Variants in PER1 observed in about 807,000 individuals in gnomAD.
PER1 encodes period circadian protein homolog 1.
Under a neutral mutation model 125.9 loss-of-function variants are expected in PER1, and 87 were observed. That is an observed-to-expected ratio of 0.69 (90% CI 0.58 to 0.83). The LOEUF is 0.83. PER1 is among the 40% of genes least tolerant of loss of function. PER1 has a pLI of 0.00. For missense variants in PER1, 1,775 were observed against 1,722.8 expected, an observed-to-expected ratio of 1.03 and a Z score of -0.54; for synonymous variants, 801 against 714.7, an observed-to-expected ratio of 1.12 and a Z score of -1.93.
chr17:8,145,807 G>T (rs985254411), intron 17 of PER1, 151 bp downstream of exon 17: 2 of 806,534 alleles, frequency 2.5e-6, no homozygotes, highest in East Asian at 5.4e-5. Context: ...CTGGCAGGGA[G>T]GGGAGAGCAA....
chr17:8,149,433 T>C (rs760979723), intron 6 of PER1, 29 bp downstream of exon 6: 9 of 1,609,414 alleles, frequency 5.6e-6, no homozygotes, highest in South Asian at 5.5e-5. Context: ...GGACTGCTCA[T>C]GCCTCCCCAC....
At chr17:8,149,234 G>C (rs201889986) in intron 7 of PER1, 25 bp downstream of exon 7, 1 of 1,599,334 alleles carries the variant, frequency 6.3e-7, no homozygotes, top group Non-Finnish European at 8.6e-7. Flanking sequence ...GGAGGCAGAG[G>C]TCTTCTCCAG....
At chr17:8,144,635 G>A (rs779052447) in intron 18 of PER1, 116 bp downstream of exon 18, 3 of 1,390,704 alleles carry the variant, frequency 2.2e-6, no homozygotes, top group East Asian at 2.5e-5. Context: ...GCCTAGTGGT[G>A]GAAGCAACAC....
At position 8,142,844 on chromosome 17, in the gene PER1, G is replaced by T. The variant is rs200757350; in HGVS notation, c.3073-9C>A. 1.3e-6 allele frequency: 2 copies of T among 1,583,162 alleles called. No individual in the cohort carries two copies. The highest frequency in any genetic ancestry group is 2.2e-5 in the South Asian group (2 of 88,942). On this transcript the variant is annotated splice_polypyrimidine_tract_variant and intron_variant, in intron 19 of 22. Transcript: ENST00000317276. ...GACTCAGTGACCTCCGCCTGGAGGA[G>T]GGGAGGGGGGCAAGGAGGGATGGAG...
rs372100058 is a variant in PER1 at position 8,143,488 on chromosome 17, G to A, written c.2850C>T (p.Ala950=). Residue 950 remains alanine, a synonymous_variant, in exon 19 of 23, where the codon GCC becomes GCT. Transcript: ENST00000317276. The part of the protein sequence containing the change: ...QTPAEGPPTP[A]SHSPSPSLPA... ...GCAAGGATGGAGAAGGGGAGTGCGA[G>A]GCAGGAGTGGGAGGCCCTTCAGCAG... 6.9e-6 allele frequency: 11 copies of A among 1,587,520 alleles called. No individual in the cohort carries two copies. Among genetic ancestry groups the A allele is most frequent in the Non-Finnish European group, 9.4e-6 (11 of 1,165,026 alleles).
Position 8,147,881 on chromosome 17 carries a change from G to A in PER1, c.1235-54C>T, listed in dbSNP as rs921632964. Reference sequence around the variant, plus strand: ...CAAAGGGAGGGAGAGCTGAGTAAGAGGGAGGCCATGCCACTAGAGATCCAG... The same window carrying A: ...CAAAGGGAGGGAGAGCTGAGTAAGAAGGAGGCCATGCCACTAGAGATCCAG... On this transcript the variant is annotated intron_variant, in intron 10 of 22. Coordinates refer to ENST00000317276, the MANE Select transcript of PER1 (RefSeq NM_002616.3). 2.7e-5 allele frequency: 44 copies of A among 1,604,150 alleles called. No individual in the cohort carries two copies. In the African/African-American group the frequency reaches 4.8e-4, roughly 18 times the overall value.
rs752545553 is a variant in PER1, at chr17:8,144,816, C to T, written c.2396G>A (p.Arg799Gln). 60 of 1,585,164 alleles carry T rather than the reference C, an allele frequency of 3.8e-5. No homozygotes were observed. Among genetic ancestry groups the T allele is most frequent in the Admixed American group, 1.9e-4 (11 of 56,974 alleles). Reference sequence around the variant, plus strand: ...GAGTCCACGCAGCCTGCCCAGGTCTCGGAAGCGGCTGAGGAAGGCTTGCTC... The same window carrying T: ...GAGTCCACGCAGCCTGCCCAGGTCTTGGAAGCGGCTGAGGAAGGCTTGCTC... ...KEEQAFLSRF[R>Q]DLGRLRGLDS... is the part of the protein sequence containing the mutation. Residue 799 changes from arginine to glutamine, a missense_variant, in exon 18 of 23, where the codon CGA (arginine) becomes CAA (glutamine). Physicochemically the swap from Arg to Gln is conservative, Grantham distance 43. Transcript: ENST00000317276.
In PER1 at chr17:8,146,102, T is replaced by C. The variant is rs201868574; in HGVS notation, c.2074A>G (p.Thr692Ala). ...PSAALSGEGA[T>A]PRKEPVVGGT... ...CCCACCACTGGCTCCTTCCGTGGGGTGGCCCCCTCCCCAGACAGCGCTGCT... is the reference window on the plus strand; with the variant it reads ...CCCACCACTGGCTCCTTCCGTGGGGCGGCCCCCTCCCCAGACAGCGCTGCT... Residue 692 changes from threonine to alanine, a missense_variant, in exon 17 of 23, where the codon ACC becomes GCC. Physicochemically the swap from Thr to Ala is moderately conservative, Grantham distance 58. Transcript: ENST00000317276. The C allele has an allele frequency of 1.9e-6, 3 of 1,611,366 alleles. No homozygotes were observed. The highest frequency in any genetic ancestry group is 2.2e-5 in the East Asian group (1 of 44,820).
Position 8,150,776 on chromosome 17 carries a change from G to A in PER1, c.-70C>T, listed in dbSNP as rs2151862039. 7.0e-7 allele frequency: 1 copy of A among 1,422,476 alleles called. No homozygotes were observed. The highest frequency in any genetic ancestry group is 2.6e-4 in the Middle Eastern group (1 of 3,868). The allele number at this position is 1,422,476 out of a possible 1,614,324, so 88.1% of individuals were successfully genotyped here. A position where few individuals can be genotyped will look rare whatever the true frequency, so the allele number is the denominator to read the frequency against. ...CCACGGATGCACGAGGGGGCCTGGA[G>A]GCTTGGCTGAGGGAGTGAGGTGGAA... On this transcript the variant is annotated 5_prime_UTR_variant, in exon 2 of 23. Transcript: ENST00000317276.
At position 8,142,118 on chromosome 17, in the gene PER1, C is replaced by T. The variant is rs1256032924; in HGVS notation, c.3449+151G>A. 3.5e-6 allele frequency: 4 copies of T among 1,134,274 alleles called. No homozygotes were observed. In the Admixed American group the frequency reaches 6.4e-5, roughly 18 times the overall value. 70.3% of individuals were successfully genotyped at this position (1,134,274 alleles called of 1,614,324 possible). A position where few individuals can be genotyped will look rare whatever the true frequency, so the allele number is the denominator to read the frequency against. ...TTCCAAGACCAGGAAACCTGCTCTC[C>T]TCCTGGGAGGAACTAGTAACAGGGC... On this transcript the variant is annotated intron_variant, in intron 21 of 22. Transcript: ENST00000317276.
At chr17:8,146,554 G>A (rs1567534777) in intron 15 of PER1, 40 bp downstream of exon 15, 1 of 1,602,250 alleles carries the variant, frequency 6.2e-7, no homozygotes. Flanking sequence ...GGTGGGCAGG[G>A]TTAGAGCCCG....
At chr17:8,145,918 G>T (rs748114134) in intron 17 of PER1, 40 bp downstream of exon 17, 1 of 1,548,302 alleles carries the variant, frequency 6.5e-7, no homozygotes, top group African/African-American at 1.4e-5. Context: ...CTGGGAGACC[G>T]GTGGAGCCCA....
At chr17:8,143,217 G>T in intron 19 of PER1, 49 bp downstream of exon 19, 1 of 1,306,666 alleles carries the variant, frequency 7.7e-7, no homozygotes, top group Non-Finnish European at 1.0e-6. Context: ...TGGCAGAGGG[G>T]CGGGGCTGGG....
At chr17:8,151,327 T>G (rs910594298) in intron 1 of PER1, among the ~76,000 whole-genome samples, 1 of 152,156 alleles carries the variant, frequency 6.6e-6, no homozygotes, top group Non-Finnish European at 1.5e-5. Context: ...GAAACCGACG[T>G]CAGCTGCTGA....
rs1982909018 is a variant in PER1 at position 8,152,385 on chromosome 17, C to T, written c.-188G>A. On this transcript the variant is annotated 5_prime_UTR_variant, in exon 1 of 23. Coordinates refer to ENST00000317276, the MANE Select transcript of PER1 (RefSeq NM_002616.3). ...ACGCCTGCCCGCCGCCGCTCCAGCC[C>T]GCAGCCGAGTGGAAGCTCCACCGGG... 1 of 152,580 alleles carries T rather than the reference C, an allele frequency of 6.6e-6. No individual in the cohort carries two copies. The highest frequency in any genetic ancestry group is 6.5e-5 in the Admixed American group (1 of 15,290). 9.5% of individuals were successfully genotyped at this position (152,580 alleles called of 1,614,324 possible).
At position 8,147,015 on chromosome 17, in the gene PER1, G is replaced by A. The variant is rs1279430851; in HGVS notation, c.1630-13C>T. The A allele has an allele frequency of 4.4e-6, 7 of 1,602,328 alleles. No homozygotes were observed. Among genetic ancestry groups the A allele is most frequent in the African/African-American group, 2.7e-5 (2 of 74,634 alleles). ...GCTGGAAAGTCACCTGTGGGACACAGCACCACAGTGAGCAGAACCAGGGGG... is the reference window on the plus strand; with the variant it reads ...GCTGGAAAGTCACCTGTGGGACACAACACCACAGTGAGCAGAACCAGGGGG... On this transcript the variant is annotated splice_polypyrimidine_tract_variant and intron_variant, in intron 13 of 22. Transcript: ENST00000317276.
intron 19 of PER1, 30 bp downstream of exon 19, chr17:8,143,236 T>C: frequency 7.1e-7 from 1 of 1,399,698 alleles, no homozygotes; most frequent in Non-Finnish European, 9.4e-7. Context: ...GGGTGGGGGC[T>C]GGCAGGCAGA....
chr17:8,145,036 G>A (rs746960231), intron 17 of PER1, 43 bp from the exon 18 acceptor site: 15 of 1,436,180 alleles, frequency 1.0e-5, no homozygotes, highest in Middle Eastern at 2.7e-4. Flanking sequence ...AACCACTTCA[G>A]GGGTCAACAC....
Position 8,150,114 on chromosome 17 carries a change from G to A in PER1, c.386C>T (p.Ser129Leu). The part of the protein sequence containing the change: ...PSTSGCSSEQ[S>L]ARARTQKELM... The stretch of plus-strand genomic sequence containing the variant: ...TTCCTTCTGAGTCCTTGCCCGGGCT[G>A]ACTGTTCACTGCTGCGGGGCCCACA... The change falls in exon 4 of 23, where the codon TCA becomes TTA. Residue 129 changes from serine (S) to leucine (L), a missense_variant. Ser to Leu is a moderately radical substitution (Grantham distance 145). Coordinates refer to ENST00000317276, the MANE Select transcript of PER1 (RefSeq NM_002616.3). 1 of 1,614,116 alleles carries A rather than the reference G, an allele frequency of 6.2e-7. No individual in the cohort carries two copies. The highest frequency in any genetic ancestry group is 8.5e-7 in the Non-Finnish European group (1 of 1,179,960).
Sources: gnomAD v4.1 joint callset for allele counts (sites outside exome capture counted in the v4.1 genomes callset) on GRCh38, gnomAD v4.1.1 for gene constraint, MANE v1.5 for transcripts, NCBI Gene and HGNC (gene_info 2026-07-23, HGNC 2026-07-21) for gene names.